Variants in LINC00632 observed in about 807,000 individuals in gnomAD.
LINC00632 encodes the protein ALDOA related specific transcript.
chrX:140,780,499 T>C (rs1294464808), exon 5 of LINC00632, among the ~76,000 whole-genome samples: 1 of 111,900 alleles, frequency 8.9e-6, no homozygotes, highest in Non-Finnish European at 1.9e-5. Flanking sequence ...CTAGAGGTAA[T>C]CTCAGTTTTG....
intron 3 of LINC00632, among the ~76,000 whole-genome samples, chrX:140,762,274 C>T (rs1040118066): frequency 9.5e-6 from 1 of 105,045 alleles, no homozygotes; most frequent in Non-Finnish European, 1.9e-5. Context: ...AGATGGCAGG[C>T]GAGCCACTTG....
intron 3 of LINC00632, among the ~76,000 whole-genome samples, chrX:140,755,029 A>T (rs767158513): frequency 9.0e-6 from 1 of 111,589 alleles, no homozygotes; most frequent in Non-Finnish European, 1.9e-5. Flanking sequence ...TACTTGCCCA[A>T]CTTCTATGGT....
exon 5 of LINC00632, among the ~76,000 whole-genome samples, chrX:140,786,191 G>T (rs780361707): frequency 8.9e-6 from 1 of 112,381 alleles, no homozygotes; most frequent in South Asian, 3.7e-4. Context: ...AATTAAAATA[G>T]AAATACCTTC....
chrX:140,767,986 C>T (rs897774425), intron 3 of LINC00632, among the ~76,000 whole-genome samples: 10 of 111,729 alleles, frequency 9.0e-5, no homozygotes, highest in Admixed American at 5.7e-4. Flanking sequence ...GTGGCAATTA[C>T]GTTTCAACAT....
chrX:140,729,280 T>C (rs60733820), intron 2 of LINC00632, among the ~76,000 whole-genome samples: 5,115 of 109,328 alleles, frequency 0.047, 337 homozygotes, highest in African/African-American at 0.16. Context: ...CTGTATCATA[T>C]AGTATTGCCC....
At chrX:140,713,176 ATT>A (rs11332099) in intron 2 of LINC00632, among the ~76,000 whole-genome samples, 1,337 of 102,406 alleles carry the variant, frequency 0.013, 23 homozygotes, top group African/African-American at 0.044. Context: ...TATATGGAGC[ATT>A]TTTTTTTTTT....
exon 5 of LINC00632, among the ~76,000 whole-genome samples, chrX:140,786,270 G>A (rs1339901686): frequency 8.9e-6 from 1 of 111,954 alleles, no homozygotes; most frequent in Non-Finnish European, 1.9e-5. Flanking sequence ...TTTATTGAGC[G>A]CTAACTGTAT....
exon 5 of LINC00632, among the ~76,000 whole-genome samples, chrX:140,787,704 A>G (rs959326298): frequency 9.0e-5 from 10 of 111,604 alleles, no homozygotes; most frequent in African/African-American, 2.9e-4. Flanking sequence ...ATCTAATGGA[A>G]TACTGTGTGG....
At chrX:140,722,288 C>A (rs777943840) in intron 2 of LINC00632, among the ~76,000 whole-genome samples, 3 of 108,615 alleles carry the variant, frequency 2.8e-5, no homozygotes, top group Non-Finnish European at 3.8e-5. Context: ...ACTGTCCCCA[C>A]AAACACCTTT....
At chrX:140,762,199 G>GA (rs201489681) in intron 3 of LINC00632, among the ~76,000 whole-genome samples, 4,938 of 91,910 alleles carry the variant, frequency 0.054, 115 homozygotes, top group Non-Finnish European at 0.079. Flanking sequence ...GACCTCGTCA[G>GA]TTTTTCGAAA....
chrX:140,718,231 GGTTGTCATT>G (rs767349494), intron 2 of LINC00632, among the ~76,000 whole-genome samples: 11 of 111,058 alleles, frequency 9.9e-5, no homozygotes, highest in Admixed American at 3.9e-4. Flanking sequence ...TACCTGATCA[GGTTGTCATT>G]GTTGTCATTA....
At chrX:140,787,247 C>T (rs1412075319) in exon 5 of LINC00632, among the ~76,000 whole-genome samples, 3 of 111,282 alleles carry the variant, frequency 2.7e-5, no homozygotes, top group Non-Finnish European at 3.8e-5. Context: ...CGTGTATGCT[C>T]TTGTAGGCAC....
intron 3 of LINC00632, among the ~76,000 whole-genome samples, chrX:140,742,877 G>GAGAAAGGA (rs1209141726): frequency 1.1e-5 from 1 of 94,410 alleles, no homozygotes; most frequent in African/African-American, 4.1e-5. Flanking sequence ...GAGAGAGAGA[G>GAGAAAGGA]AGGAAGGAAG....
At chrX:140,744,592 T>G (rs1195879796) in intron 3 of LINC00632, among the ~76,000 whole-genome samples, 8 of 78,673 alleles carry the variant, frequency 1.0e-4, no homozygotes, top group East Asian at 4.7e-4. Flanking sequence ...GGGGAGGAGA[T>G]GGAGTCTTGC....
exon 5 of LINC00632, chrX:140,783,092 A>G (rs968462328): frequency 8.3e-6 from 1 of 120,237 alleles, no homozygotes; most frequent in South Asian, 3.0e-4. Flanking sequence ...AGAAATATCA[A>G]TGTCCAGAGT....
chrX:140,722,755 A>G (rs369802281), intron 2 of LINC00632, among the ~76,000 whole-genome samples: 1 of 111,471 alleles, frequency 9.0e-6, no homozygotes, highest in Admixed American at 9.6e-5. Flanking sequence ...CCAACACAGA[A>G]ACTTGCCGGG....
At chrX:140,777,364 C>G (rs940697087) in exon 5 of LINC00632, among the ~76,000 whole-genome samples, 10 of 112,334 alleles carry the variant, frequency 8.9e-5, no homozygotes, top group South Asian at 3.7e-4. Context: ...CTTCAACACG[C>G]TCAAATGAGG....
intron 3 of LINC00632, among the ~76,000 whole-genome samples, chrX:140,763,055 G>C (rs1049667384): frequency 9.0e-6 from 1 of 111,275 alleles, no homozygotes; most frequent in Non-Finnish European, 1.9e-5. Flanking sequence ...TGATATTTTT[G>C]CCTACATCTG....
At chrX:140,765,744 C>CAT (rs1556027676) in intron 3 of LINC00632, among the ~76,000 whole-genome samples, 1 of 110,969 alleles carries the variant, frequency 9.0e-6, no homozygotes, top group African/African-American at 3.3e-5. Flanking sequence ...CAATTCTTAC[C>CAT]CCTAGAGCCA....
Sources: allele counts gnomAD v4.1 joint callset (sites outside exome capture counted in the v4.1 genomes callset), GRCh38; gene constraint gnomAD v4.1.1; transcripts MANE v1.5; gene names NCBI Gene and HGNC (gene_info 2026-07-23, HGNC 2026-07-21).